MICAL2: variants seen among roughly 807,000 people sequenced by gnomAD.
MICAL2 encodes the protein [F-actin]-monooxygenase MICAL2.
In MICAL2, 77 loss-of-function variants were observed where a neutral mutation model predicts 127.3. The observed-to-expected ratio is 0.60, with a 90% CI of 0.50 to 0.73. The LOEUF is 0.73. MICAL2 is among the 30% of genes least tolerant of loss of function. The pLI, the probability that MICAL2 is intolerant of heterozygous loss-of-function variation, is 0.00. For synonymous variants in MICAL2, 570 were observed against 551.1 expected, an observed-to-expected ratio of 1.03 and a Z score of -0.48; for missense variants, 1,351 against 1,434.4, an observed-to-expected ratio of 0.94 and a Z score of 0.94.
chr11:12,338,687 A>C (rs1389525709), intron 32 of MICAL2, among the ~76,000 whole-genome samples: 1 of 152,160 alleles, frequency 6.6e-6, no homozygotes, highest in Non-Finnish European at 1.5e-5. Flanking sequence ...TTGTCTGTAA[A>C]GTATTTTATT....
At chr11:12,358,166 T>A (rs1201945445) in intron 34 of MICAL2, 8 of 919,380 alleles carry the variant, frequency 8.7e-6, no homozygotes, top group African/African-American at 8.3e-5. Context: ...TGGTGTTAAA[T>A]TCATTTCCTT....
chr11:12,163,158 A>G (rs1323576016), intron 3 of MICAL2, among the ~76,000 whole-genome samples: 2 of 152,176 alleles, frequency 1.3e-5, no homozygotes, highest in Non-Finnish European at 1.5e-5. Context: ...TCATTTGGCC[A>G]TAGACAGCAT....
At position 12,327,246 on chromosome 11, in the gene MICAL2, AG is replaced by A; in HGVS notation, c.5497del (p.Ala1833ArgfsTer30). On this transcript the variant is annotated frameshift_variant, in exon 32 of 35. Coordinates refer to the MICAL2 transcript ENST00000646065. LOFTEE classifies it high-confidence loss of function. ...GAGATCCAGGGTGTGAGGCTGGAGAAGGCGTTGCGAGGAGAAGCAGGTACGG... is the reference window on the plus strand; with the variant it reads ...GAGATCCAGGGTGTGAGGCTGGAGAAGCGTTGCGAGGAGAAGCAGGTACGG... The A allele has an allele frequency of 6.4e-7, 1 of 1,550,650 alleles. No homozygotes were observed. The highest frequency in any genetic ancestry group is 8.7e-7 in the Non-Finnish European group (1 of 1,146,894).
At chr11:12,320,098 G>A (rs2134839284) in intron 30 of MICAL2, among the ~76,000 whole-genome samples, 1 of 152,048 alleles carries the variant, frequency 6.6e-6, no homozygotes, top group East Asian at 1.9e-4. Context: ...TTTAATATGT[G>A]GTCCAACAAG....
At chr11:12,125,341 C>A (rs1310021794) in intron 1 of MICAL2, among the ~76,000 whole-genome samples, 1 of 152,224 alleles carries the variant, frequency 6.6e-6, no homozygotes, top group East Asian at 1.9e-4. Flanking sequence ...GCAACCTCCG[C>A]CTCCTGGGTT....
chr11:12,131,984 C>G (rs763653347), intron 1 of MICAL2, among the ~76,000 whole-genome samples: 1 of 152,134 alleles, frequency 6.6e-6, no homozygotes, highest in Non-Finnish European at 1.5e-5. Flanking sequence ...CTCACCCTAG[C>G]TTTATAAGGT....
At chr11:12,164,071 G>A (rs1202140278) in intron 3 of MICAL2, among the ~76,000 whole-genome samples, 1 of 151,970 alleles carries the variant, frequency 6.6e-6, no homozygotes, top group East Asian at 1.9e-4. Flanking sequence ...GGGATGGAAC[G>A]GAGGGCTGAC....
At chr11:12,261,476 G>A in intron 26 of MICAL2, 1 of 985,518 alleles carries the variant, frequency 1.0e-6, no homozygotes, top group Non-Finnish European at 1.2e-6. Flanking sequence ...ACGCTGCCTA[G>A]ACATACACAG....
At chr11:12,337,920 T>G (rs1169398223) in intron 32 of MICAL2, among the ~76,000 whole-genome samples, 1 of 152,218 alleles carries the variant, frequency 6.6e-6, no homozygotes, top group Non-Finnish European at 1.5e-5. Context: ...CTGAAAAGAA[T>G]GTATATTCTG....
chr11:12,160,615 C>G (rs1854671231), intron 2 of MICAL2, among the ~76,000 whole-genome samples: 1 of 152,220 alleles, frequency 6.6e-6, no homozygotes, highest in African/African-American at 2.4e-5. Flanking sequence ...GCCCAGTCTT[C>G]TAGTAAAATA....
intron 21 of MICAL2, 61 bp from the exon 22 acceptor site, chr11:12,249,123 A>C (rs1011252565): frequency 7.5e-6 from 12 of 1,607,508 alleles, no homozygotes; most frequent in Non-Finnish European, 1.0e-5. Context: ...CCCCAGTGGA[A>C]GAGAATTCGG....
chr11:12,243,639 T>G (rs891107983), intron 20 of MICAL2, among the ~76,000 whole-genome samples: 3 of 152,212 alleles, frequency 2.0e-5, no homozygotes, highest in Admixed American at 2.0e-4. Context: ...CAGCCCAGGG[T>G]TCTCCTCTCC....
downstream of MICAL2, among the ~76,000 whole-genome samples, chr11:12,289,201 A>T (rs1714609943): frequency 6.6e-6 from 1 of 152,182 alleles, no homozygotes; most frequent in South Asian, 2.1e-4. Flanking sequence ...GGATGCTGAA[A>T]CTCAGGCGCT....
intron 32 of MICAL2, among the ~76,000 whole-genome samples, chr11:12,332,061 C>G (rs1938645310): frequency 6.6e-6 from 1 of 152,052 alleles, no homozygotes; most frequent in African/African-American, 2.4e-5. Flanking sequence ...CACTCCCACA[C>G]CCCCGCCACC....
rs1854592809 is a variant in MICAL2, at chr11:12,159,977, T to C, written c.-77-2102T>C. Among the ~76,000 whole-genome samples the C allele has an allele frequency of 2.6e-5, 4 of 152,266 alleles. No individual in the cohort carries two copies. The South Asian group carries it at 8.3e-4, about 32-fold the overall frequency. ...AGTCTACTGAAGTTGCTGAGTGTCA[T>C]AGACCGGGGTCACTGGGTAAGGCCT... is the stretch of plus-strand genomic sequence containing the variant. On this transcript the variant is annotated intron_variant, in intron 2 of 27. Transcript: ENST00000683283.
At chr11:12,189,049 G>A (rs1858715276) in intron 3 of MICAL2, among the ~76,000 whole-genome samples, 1 of 152,088 alleles carries the variant, frequency 6.6e-6, no homozygotes, top group Non-Finnish European at 1.5e-5. Flanking sequence ...CAGTCTTAGA[G>A]CACAGTATCA....
intron 32 of MICAL2, among the ~76,000 whole-genome samples, chr11:12,341,701 C>A (rs1938868721): frequency 6.6e-6 from 1 of 152,092 alleles, no homozygotes; most frequent in Non-Finnish European, 1.5e-5. Context: ...GTGGCGCATG[C>A]CTGTAGTCCC....
At chr11:12,181,293 G>A (rs930997254) in intron 3 of MICAL2, among the ~76,000 whole-genome samples, 2 of 152,092 alleles carry the variant, frequency 1.3e-5, no homozygotes, top group Non-Finnish European at 2.9e-5. Flanking sequence ...TATTTAAGGA[G>A]GGCAACAGCA....
intron 32 of MICAL2, among the ~76,000 whole-genome samples, chr11:12,340,013 C>T (rs1938833749): frequency 1.3e-5 from 2 of 152,220 alleles, no homozygotes; most frequent in South Asian, 4.1e-4. Flanking sequence ...CTGCGTCGCT[C>T]ACGCTGGGAG....
Sources: allele counts gnomAD v4.1 joint callset (sites outside exome capture counted in the v4.1 genomes callset), GRCh38; gene constraint gnomAD v4.1.1; transcripts MANE v1.5; gene names NCBI Gene and HGNC (gene_info 2026-07-23, HGNC 2026-07-21).